Variants in FRMD4B observed in about 807,000 individuals in gnomAD.
FRMD4B encodes FERM domain containing 4B.
Under a neutral mutation model 141.5 loss-of-function variants are expected in FRMD4B, and 74 were observed. The ratio of observed to expected loss-of-function variants is 0.52; its 90% CI spans 0.43 to 0.63. The LOEUF (loss-of-function observed/expected upper bound fraction) is 0.63. Among genes scored for constraint, FRMD4B ranks in the 30% least tolerant of loss-of-function variants. The pLI, the probability that FRMD4B is intolerant of heterozygous loss-of-function variation, is 0.00. For missense variants in FRMD4B, 1,366 were observed against 1,253.4 expected, an observed-to-expected ratio of 1.09 and a Z score of -1.36; for synonymous variants, 506 against 467.9, an observed-to-expected ratio of 1.08 and a Z score of -1.05.
chr3:69,364,063 T>C (rs1429831069), intron 1 of FRMD4B, among the ~76,000 whole-genome samples: 1 of 152,214 alleles, frequency 6.6e-6, no homozygotes, highest in Non-Finnish European at 1.5e-5. Flanking sequence ...GGGGGTGATA[T>C]TGATCCCTGA....
chr3:69,342,338 G>A (rs57042628), intron 1 of FRMD4B, among the ~76,000 whole-genome samples: 5,604 of 152,288 alleles, frequency 0.037, 375 homozygotes, highest in African/African-American at 0.13. Flanking sequence ...GTGATCTCAT[G>A]TGTCCAAATG....
At chr3:69,443,414 T>C (rs1269849412) in intron 1 of FRMD4B, among the ~76,000 whole-genome samples, 1 of 152,200 alleles carries the variant, frequency 6.6e-6, no homozygotes, top group African/African-American at 2.4e-5. Flanking sequence ...TATAATATCT[T>C]TTCTAATGAA....
chr3:69,349,451 T>C (rs1703059429), intron 1 of FRMD4B, among the ~76,000 whole-genome samples: 1 of 152,168 alleles, frequency 6.6e-6, no homozygotes, highest in Non-Finnish European at 1.5e-5. Context: ...AATGACTTTC[T>C]TCACAGAATT....
chr3:69,183,905 T>C (rs1374588913), intron 19 of FRMD4B, among the ~76,000 whole-genome samples: 3 of 152,036 alleles, frequency 2.0e-5, no homozygotes, highest in Non-Finnish European at 2.9e-5. Context: ...ATGTCTATAA[T>C]CTTTTTTTTA....
At chr3:69,240,348 G>T (rs2093372950) in intron 7 of FRMD4B, among the ~76,000 whole-genome samples, 1 of 151,362 alleles carries the variant, frequency 6.6e-6, no homozygotes, top group African/African-American at 2.4e-5. Flanking sequence ...GGGCGTGGTG[G>T]CATGTGCCTG....
intron 1 of FRMD4B, among the ~76,000 whole-genome samples, chr3:69,319,251 A>C (rs1701912234): frequency 6.6e-6 from 1 of 152,208 alleles, no homozygotes; most frequent in South Asian, 2.1e-4. Flanking sequence ...ACCTTAGAGA[A>C]ATTACTTGAC....
chr3:69,179,918 T>C (rs2092686983), intron 21 of FRMD4B, among the ~76,000 whole-genome samples: 1 of 152,182 alleles, frequency 6.6e-6, no homozygotes, highest in African/African-American at 2.4e-5. Context: ...GAGCCTCCCC[T>C]ATCTTCTATT....
At chr3:69,484,644 C>T (rs1351722198) in intron 1 of FRMD4B, among the ~76,000 whole-genome samples, 1 of 151,954 alleles carries the variant, frequency 6.6e-6, no homozygotes, top group Non-Finnish European at 1.5e-5. Flanking sequence ...AGCTGGTGTT[C>T]CTGACTCTCT....
At chr3:69,465,408 T>C (rs1408811369) in intron 1 of FRMD4B, among the ~76,000 whole-genome samples, 1 of 152,070 alleles carries the variant, frequency 6.6e-6, no homozygotes, top group Admixed American at 6.6e-5. Context: ...TTTAAAATTA[T>C]TATTATACTT....
intron 1 of FRMD4B, among the ~76,000 whole-genome samples, chr3:69,498,174 T>G (rs1183701530): frequency 1.3e-5 from 2 of 152,122 alleles, no homozygotes; most frequent in African/African-American, 2.4e-5. Context: ...GCCTCCAGAG[T>G]TGGACCTCAA....
intron 1 of FRMD4B, among the ~76,000 whole-genome samples, chr3:69,501,594 G>A (rs1706498866): frequency 6.6e-6 from 1 of 152,112 alleles, no homozygotes; most frequent in Admixed American, 6.6e-5. Context: ...GGCAAAAACT[G>A]GAAGCATTCC....
chr3:69,219,529 C>G (rs367753292), intron 9 of FRMD4B, among the ~76,000 whole-genome samples: 1 of 152,172 alleles, frequency 6.6e-6, no homozygotes, highest in East Asian at 1.9e-4. Context: ...GCCTTAACTA[C>G]CAAATGAAAC....
At chr3:69,510,855 G>C (rs1706675411) in intron 1 of FRMD4B, among the ~76,000 whole-genome samples, 1 of 152,176 alleles carries the variant, frequency 6.6e-6, no homozygotes, top group African/African-American at 2.4e-5. Context: ...TCATACTTCA[G>C]AACATTCTGA....
intron 2 of FRMD4B, among the ~76,000 whole-genome samples, chr3:69,423,224 C>T (rs1202243643): frequency 6.6e-6 from 1 of 152,208 alleles, no homozygotes; most frequent in Non-Finnish European, 1.5e-5. Context: ...TCATAGCCCA[C>T]TGCAGCCTCA....
intron 1 of FRMD4B, among the ~76,000 whole-genome samples, chr3:69,455,073 G>A (rs1211775174): frequency 4.6e-5 from 7 of 152,216 alleles, no homozygotes; most frequent in Non-Finnish European, 8.8e-5. Context: ...ACACCAATCA[G>A]CACTCTGTGT....
intron 1 of FRMD4B, among the ~76,000 whole-genome samples, chr3:69,455,415 G>A (rs1341725667): frequency 6.6e-6 from 1 of 152,138 alleles, no homozygotes; most frequent in East Asian, 1.9e-4. Context: ...TCTCATCTGA[G>A]AACAGTGAGA....
intron 1 of FRMD4B, among the ~76,000 whole-genome samples, chr3:69,326,919 T>G: frequency 6.6e-6 from 1 of 152,130 alleles, no homozygotes; most frequent in Non-Finnish European, 1.5e-5. Context: ...AACCAGTTGT[T>G]AGGCTGTATT....
At chr3:69,389,857 G>A (rs1234482146), upstream of FRMD4B, among the ~76,000 whole-genome samples, 1 of 152,024 alleles carries the variant, frequency 6.6e-6, no homozygotes, top group Non-Finnish European at 1.5e-5. Flanking sequence ...ATTTTCTGTG[G>A]AAAAGGAGCT....
intron 1 of FRMD4B, among the ~76,000 whole-genome samples, chr3:69,511,768 C>A (rs904422): frequency 0.55 from 84,140 of 152,014 alleles, 23,984 homozygotes; most frequent in African/African-American, 0.71. Flanking sequence ...AAGGATCAGA[C>A]CTGCATTTGT....
Sources: gnomAD v4.1 joint callset for allele counts (sites outside exome capture counted in the v4.1 genomes callset) on GRCh38, gnomAD v4.1.1 for gene constraint, MANE v1.5 for transcripts, NCBI Gene and HGNC (gene_info 2026-07-23, HGNC 2026-07-21) for gene names.